The following SOS1 variants were observed in gnomAD, a reference collection of about 807,000 sequenced individuals.
SOS1 encodes son of sevenless homolog 1.
In SOS1, 25 loss-of-function variants were observed where a neutral mutation model predicts 157.6. That is an observed-to-expected ratio of 0.16 (90% CI 0.12 to 0.22). SOS1 has a LOEUF of 0.22. SOS1 is among the 10% of genes least tolerant of loss of function. The probability of loss-of-function intolerance (pLI) is 1.00; values close to 1 mark genes in which losing one functional copy is unlikely to be tolerated. For synonymous variants in SOS1, 528 were observed against 534.0 expected (o/e 0.99, Z 0.16); for missense variants, 1,237 against 1,599.1 (o/e 0.77, Z 3.86).
chr2:39,004,524 T>G (rs1476588558), intron 17 of SOS1, among the ~76,000 whole-genome samples: 1 of 151,866 alleles, frequency 6.6e-6, no homozygotes, highest in Non-Finnish European at 1.5e-5. Flanking sequence ...TTTGAGTATT[T>G]CATAAGATAT....
intron 5 of SOS1, 63 bp from the exon 6 acceptor site, chr2:39,051,350 G>A (rs1315875689): frequency 8.3e-6 from 12 of 1,438,788 alleles, no homozygotes; most frequent in Middle Eastern, 2.2e-4. Context: ...AACAAATTTT[G>A]AGCCAATAAG....
chr2:39,113,022 G>A (rs964434401), intron 1 of SOS1, among the ~76,000 whole-genome samples: 1 of 151,118 alleles, frequency 6.6e-6, no homozygotes, highest in African/African-American at 2.4e-5. Context: ...GGCGACAAGA[G>A]CAAGACTCTG....
chr2:39,026,444 G>T (rs542734163), intron 8 of SOS1, among the ~76,000 whole-genome samples: 36 of 151,388 alleles, frequency 2.4e-4, no homozygotes, highest in African/African-American at 8.5e-4. Flanking sequence ...AAGGATAAGA[G>T]ACTTTAAAAG....
chr2:39,047,107 C>T (rs999654244), intron 6 of SOS1, among the ~76,000 whole-genome samples: 17 of 152,276 alleles, frequency 1.1e-4, no homozygotes, highest in Non-Finnish European at 2.2e-4. Flanking sequence ...CAGAAATCTT[C>T]ATGTTTCCCA....
At chr2:39,047,032 CA>C (rs1325415811) in intron 6 of SOS1, among the ~76,000 whole-genome samples, 1 of 152,124 alleles carries the variant, frequency 6.6e-6, no homozygotes, top group Non-Finnish European at 1.5e-5. Flanking sequence ...TGACTTTTAA[CA>C]TATGTATACA....
In SOS1 at chr2:38,986,024, C is replaced by T. The variant is rs730881051; in HGVS notation, c.3802G>A (p.Gly1268Ser). The T allele has an allele frequency of 1.1e-5, 17 of 1,613,642 alleles. No individual in the cohort carries two copies. The highest frequency in any genetic ancestry group is 8.3e-5 in the Admixed American group (5 of 59,954). The change falls in exon 23 of 23, where the codon GGC (glycine) becomes AGC (serine). Residue 1268 changes from glycine (G) to serine (S), a missense_variant. Physicochemically the swap from Gly to Ser is moderately conservative, Grantham distance 56. Around this residue, in one of 15 missense-constraint regions of SOS1, gnomAD observed 306 missense variants for 322.6 expected, o/e 0.95. Transcript: ENST00000402219. Reference protein sequence around the residue: ...PPPPQTPSPHGTRRHLPSPPL... With the variant: ...PPPPQTPSPHSTRRHLPSPPL... ...GGTGATGGCAGATGCCTTCTTGTGC[C>T]GTGAGGAGAAGGTGTTTGAGGAGGA...
At chr2:39,066,138 A>AC (rs898760522) in intron 2 of SOS1, among the ~76,000 whole-genome samples, 23 of 152,056 alleles carry the variant, frequency 1.5e-4, no homozygotes, top group African/African-American at 5.6e-4. Flanking sequence ...ATTACTTCCT[A>AC]CCCAATCACA....
intron 1 of SOS1, among the ~76,000 whole-genome samples, chr2:39,105,100 A>G (rs1233435367): frequency 6.6e-6 from 1 of 152,168 alleles, no homozygotes; most frequent in Middle Eastern, 3.2e-3. Flanking sequence ...TAAACAAAAC[A>G]TCTATGAATT....
chr2:38,994,168 A>T (rs1420933123), intron 20 of SOS1, among the ~76,000 whole-genome samples: 1 of 152,194 alleles, frequency 6.6e-6, no homozygotes, highest in East Asian at 1.9e-4. Context: ...TCTCAATCAT[A>T]AATTTTTATA....
At chr2:39,028,486 C>T (rs1365974985) in intron 8 of SOS1, among the ~76,000 whole-genome samples, 5 of 152,078 alleles carry the variant, frequency 3.3e-5, no homozygotes, top group Admixed American at 2.0e-4. Context: ...TGCTTGAATT[C>T]GTTTTTATTC....
At chr2:38,997,490 T>A in intron 17 of SOS1, 65 bp from the exon 18 acceptor site, 1 of 1,166,244 alleles carries the variant, frequency 8.6e-7, no homozygotes, top group Non-Finnish European at 1.3e-6. Context: ...TTCTGTTTCA[T>A]TAATTGTGGG....
At chr2:39,064,123 C>T (rs1671507371) in intron 2 of SOS1, among the ~76,000 whole-genome samples, 1 of 152,076 alleles carries the variant, frequency 6.6e-6, no homozygotes, top group Non-Finnish European at 1.5e-5. Context: ...TGTGATCCAG[C>T]CACCACACCG....
At chr2:39,001,354 C>A (rs572879536) in intron 17 of SOS1, among the ~76,000 whole-genome samples, 3 of 152,304 alleles carry the variant, frequency 2.0e-5, no homozygotes, top group East Asian at 3.9e-4. Flanking sequence ...TGAGCCACTG[C>A]GCCCAGCTGA....
At chr2:39,033,805 G>C (rs60197528) in intron 8 of SOS1, among the ~76,000 whole-genome samples, 1 of 152,214 alleles carries the variant, frequency 6.6e-6, no homozygotes, top group South Asian at 2.1e-4. Context: ...CCAAAGTGCT[G>C]GAACTACAGG....
At chr2:39,065,164 A>C (rs1046141590) in intron 2 of SOS1, among the ~76,000 whole-genome samples, 1 of 152,156 alleles carries the variant, frequency 6.6e-6, no homozygotes, top group African/African-American at 2.4e-5. Flanking sequence ...TTATTATTTT[A>C]ATAGAAAGCT....
At chr2:39,025,848 T>C (rs1187976782) in intron 8 of SOS1, among the ~76,000 whole-genome samples, 1 of 152,236 alleles carries the variant, frequency 6.6e-6, no homozygotes, top group Non-Finnish European at 1.5e-5. Context: ...TAAACAGATT[T>C]CTTACTTATA....
intron 6 of SOS1, among the ~76,000 whole-genome samples, chr2:39,040,246 T>C (rs1480199906): frequency 2.0e-5 from 3 of 152,084 alleles, no homozygotes; most frequent in African/African-American, 7.2e-5. Context: ...CTCGATCTCC[T>C]GACCTTGTGA....
At chr2:39,056,153 G>C (rs1671202555) in intron 4 of SOS1, among the ~76,000 whole-genome samples, 1 of 152,144 alleles carries the variant, frequency 6.6e-6, no homozygotes, top group African/African-American at 2.4e-5. Context: ...CTACTAGCTG[G>C]GTGTGGTGGC....
intron 20 of SOS1, 72 bp downstream of exon 20, chr2:38,995,051 G>C (rs1558459558): frequency 1.5e-6 from 2 of 1,291,288 alleles, no homozygotes; most frequent in East Asian, 4.7e-5. Context: ...AAAAATAACA[G>C]AGATTCTTTT....
Sources: gnomAD v4.1 joint callset for allele counts (sites outside exome capture counted in the v4.1 genomes callset) on GRCh38, gnomAD v4.1.1 for gene constraint, gnomAD v4.1.1 regional missense constraint, MANE v1.5 for transcripts, NCBI Gene and HGNC (gene_info 2026-07-23, HGNC 2026-07-21) for gene names.